Variants in HIVEP3 observed in about 807,000 individuals in gnomAD.
HIVEP3 encodes the protein HIVEP zinc finger 3.
HIVEP3 carries 49 observed loss-of-function variants against 152.8 expected under a neutral mutation model. That is an observed-to-expected ratio of 0.32 (90% CI 0.26 to 0.41). HIVEP3 has a LOEUF of 0.41. Among genes scored for constraint, HIVEP3 ranks in the 10% least tolerant of loss-of-function variants. HIVEP3 has a pLI of 1.00. For synonymous variants in HIVEP3, 1,269 were observed against 1,289.0 expected (o/e 0.98, Z 0.33); for missense variants, 2,790 against 3,103.3 (o/e 0.90, Z 2.40).
intron 1 of HIVEP3, among the ~76,000 whole-genome samples, chr1:41,749,415 T>C (rs971267271): frequency 1.3e-5 from 2 of 151,636 alleles, no homozygotes; most frequent in African/African-American, 4.8e-5. Flanking sequence ...TGTGTGTGTG[T>C]GTGTGTGTGT....
chr1:41,582,237 T>C lies in HIVEP3; in HGVS notation c.2561A>G (p.Gln854Arg). 2 of 1,613,838 alleles carry C rather than the reference T, an allele frequency of 1.2e-6. No individual in the cohort carries two copies. The highest frequency in any genetic ancestry group is 1.7e-6 in the Non-Finnish European group (2 of 1,179,876). The change falls in exon 4 of 9, where the codon CAG becomes CGG. Residue 854 changes from glutamine to arginine, a missense_variant. Around this residue, in one of 9 missense-constraint regions of HIVEP3, gnomAD observed 1,078 missense variants for 1,165.3 expected, o/e 0.93. Transcript: ENST00000372583. This position sits in a 1 kb window ranked among gnomAD's most constrained non-coding sequence, Gnocchi z 4.7. ...QPKLVRQPNI[Q>R]VPEILVTEEP... is the part of the protein sequence containing the mutation. ...CTCAGTTACTAGGATCTCAGGAACC[T>C]GAATGTTGGGCTGGCGGACCAACTT...
intron 1 of HIVEP3, among the ~76,000 whole-genome samples, chr1:41,833,964 G>A (rs777158093): frequency 6.6e-6 from 1 of 152,168 alleles, no homozygotes; most frequent in African/African-American, 2.4e-5. Flanking sequence ...ACCACCTGGT[G>A]TGACCCTAGC....
At chr1:41,909,336 A>G (rs1314837245) in intron 1 of HIVEP3, among the ~76,000 whole-genome samples, 2 of 152,190 alleles carry the variant, frequency 1.3e-5, no homozygotes, top group African/African-American at 4.8e-5. Context: ...GTAGACCTAC[A>G]TTAATATTAA....
chr1:41,582,604 A>T lies in HIVEP3; in HGVS notation c.2194T>A (p.Ser732Thr), dbSNP rs376787821. 2 of 1,612,178 alleles carry T rather than the reference A, an allele frequency of 1.2e-6. No homozygotes were observed. Among genetic ancestry groups the T allele is most frequent in the African/African-American group, 2.7e-5 (2 of 74,698 alleles). ...GDEEEPPAFE[S>T]TKSQFGSPGP... is the part of the protein sequence containing the mutation. ...GGGCTGCCAAACTGACTTTTTGTGG[A>T]CTCAAAGGCAGGTGGCTCTTCCTCG... The change falls in exon 4 of 9, where the codon TCC becomes ACC. Residue 732 changes from serine to threonine, a missense_variant. Around this residue, in one of 9 missense-constraint regions of HIVEP3, gnomAD observed 339 missense variants for 327.0 expected, o/e 1.04. Transcript: ENST00000372583. This position sits in a 1 kb window ranked among gnomAD's most constrained non-coding sequence, Gnocchi z 4.7.
intron 1 of HIVEP3, among the ~76,000 whole-genome samples, chr1:41,816,748 A>G (rs961283891): frequency 1.3e-5 from 2 of 152,140 alleles, no homozygotes; most frequent in South Asian, 2.1e-4. Context: ...GTGATTCACG[A>G]TATGTGTTTT....
intron 1 of HIVEP3, among the ~76,000 whole-genome samples, chr1:41,937,778 G>T (rs964734201): frequency 6.6e-6 from 1 of 152,162 alleles, no homozygotes; most frequent in Non-Finnish European, 1.5e-5. Context: ...TTTTGCTTAA[G>T]AAAGTTCTGA....
chr1:41,943,069 T>A (rs1015498236), intron 1 of HIVEP3, among the ~76,000 whole-genome samples: 6 of 151,782 alleles, frequency 4.0e-5, no homozygotes, highest in South Asian at 4.2e-4. Flanking sequence ...CCAGCTAATT[T>A]TTTATTTTTT....
At chr1:41,819,600 CT>C (rs1642526551) in intron 1 of HIVEP3, among the ~76,000 whole-genome samples, 1 of 152,092 alleles carries the variant, frequency 6.6e-6, no homozygotes, top group African/African-American at 2.4e-5. Flanking sequence ...GCTAAGATTT[CT>C]TCTTTGATTA....
At chr1:42,035,732 C>G (rs1309983981) in intron 1 of HIVEP3, 2 of 151,940 alleles carry the variant, frequency 1.3e-5, no homozygotes, top group South Asian at 2.1e-4. Context: ...TGACACGGCC[C>G]GGAGAGGGCG....
chr1:41,938,362 C>A (rs994322820), intron 1 of HIVEP3, among the ~76,000 whole-genome samples: 2 of 152,232 alleles, frequency 1.3e-5, no homozygotes, highest in African/African-American at 2.4e-5. Flanking sequence ...TTGTCCCCAG[C>A]ACCTGGAACA....
intron 2 of HIVEP3, among the ~76,000 whole-genome samples, chr1:41,671,443 G>A (rs1645874332): frequency 1.3e-5 from 2 of 152,206 alleles, no homozygotes; most frequent in Admixed American, 6.5e-5. Flanking sequence ...TCGGGGGCAG[G>A]CACTGGTGGT....
At chr1:41,829,043 C>T (rs1642884383) in intron 1 of HIVEP3, among the ~76,000 whole-genome samples, 1 of 152,154 alleles carries the variant, frequency 6.6e-6, no homozygotes, top group South Asian at 2.1e-4. Flanking sequence ...TCCAGGCTCT[C>T]CAGGAGCCAC....
At chr1:41,950,735 T>C (rs1309248467) in intron 1 of HIVEP3, among the ~76,000 whole-genome samples, 41 of 152,244 alleles carry the variant, frequency 2.7e-4, no homozygotes, top group South Asian at 2.1e-4. Flanking sequence ...CAAAGAGATA[T>C]GTGGGAACTC....
At chr1:41,964,186 G>A (rs375943848) in intron 1 of HIVEP3, among the ~76,000 whole-genome samples, 16 of 152,320 alleles carry the variant, frequency 1.1e-4, no homozygotes, top group African/African-American at 3.8e-4. Flanking sequence ...AAAATGGCAA[G>A]TGAATCCTGC....
intron 7 of HIVEP3, among the ~76,000 whole-genome samples, chr1:41,514,520 G>A (rs1031806091): frequency 3.9e-5 from 6 of 152,168 alleles, no homozygotes; most frequent in East Asian, 1.9e-4. Context: ...CTCTGTGGGC[G>A]GCTTGACTAA....
At chr1:41,702,789 T>A (rs1224853398) in intron 1 of HIVEP3, among the ~76,000 whole-genome samples, 1 of 152,202 alleles carries the variant, frequency 6.6e-6, no homozygotes, top group Non-Finnish European at 1.5e-5. Flanking sequence ...TCTTGGAGGT[T>A]CACACAAATC....
At chr1:41,615,925 T>C (rs909774008) in intron 3 of HIVEP3, among the ~76,000 whole-genome samples, 2 of 151,610 alleles carry the variant, frequency 1.3e-5, no homozygotes, top group East Asian at 3.9e-4. Flanking sequence ...AAATATTTTA[T>C]ATTTGTTAAA....
chr1:41,758,682 C>T (rs555363872), intron 1 of HIVEP3, among the ~76,000 whole-genome samples: 11 of 152,326 alleles, frequency 7.2e-5, no homozygotes, highest in African/African-American at 2.6e-4. Context: ...GTTTGGGAAC[C>T]TCCAGGCAGT....
intron 1 of HIVEP3, among the ~76,000 whole-genome samples, chr1:42,031,833 C>A (rs1198488721): frequency 5.9e-5 from 9 of 152,066 alleles, no homozygotes; most frequent in Non-Finnish European, 1.5e-5. Context: ...TATAAAGTAA[C>A]AAGAGTAAAA....
Sources: gnomAD v4.1 joint callset for allele counts (sites outside exome capture counted in the v4.1 genomes callset) on GRCh38, gnomAD v4.1.1 for gene constraint, gnomAD v4.1.1 regional missense constraint, Gnocchi (gnomAD v3.1) non-coding constraint, MANE v1.5 for transcripts, NCBI Gene and HGNC (gene_info 2026-07-23, HGNC 2026-07-21) for gene names.